Variants in SYNE1 observed in about 807,000 individuals in gnomAD.
SYNE1 encodes the protein nesprin-1.
Under a neutral mutation model 1,111.0 loss-of-function variants are expected in SYNE1, and 616 were observed. The ratio of observed to expected loss-of-function variants is 0.55; its 90% CI spans 0.52 to 0.59. The LOEUF (loss-of-function observed/expected upper bound fraction) is 0.59, where lower values mean the gene tolerates loss of function less well. SYNE1 is among the 20% of genes least tolerant of loss of function. The pLI, the probability that SYNE1 is intolerant of heterozygous loss-of-function variation, is 0.00. For missense variants in SYNE1, 10,006 were observed against 10,417.0 expected (o/e 0.96, Z 1.72); for synonymous variants, 3,855 against 3,825.8 (o/e 1.01, Z -0.28).
chr6:152,484,575 G>A lies in SYNE1; in HGVS notation c.1185+260C>T, dbSNP rs376093779. Reference sequence around the variant, plus strand: ...TGTGAAGTGATCCAGATGGTCTCAGGACTTTAATCTATCATCTAGTTAATT... The same window carrying A: ...TGTGAAGTGATCCAGATGGTCTCAGAACTTTAATCTATCATCTAGTTAATT... On this transcript the variant is annotated intron_variant, in intron 13 of 145. Transcript: ENST00000367255. 1.6e-3 allele frequency among the ~76,000 whole-genome samples: 236 copies of A among 152,202 alleles called. 1 individual carries two copies. Among genetic ancestry groups the A allele is most frequent in the African/African-American group, 5.4e-3 (226 of 41,530 alleles).
intron 86 of SYNE1, among the ~76,000 whole-genome samples, chr6:152,317,831 T>C (rs1385989923): frequency 6.6e-6 from 1 of 152,196 alleles, no homozygotes; most frequent in Non-Finnish European, 1.5e-5. Context: ...TTTTACAAAA[T>C]ATTCACTCCA....
In SYNE1 at chr6:152,427,757, C is replaced by T. The variant is rs2098382846; in HGVS notation, c.5036G>A (p.Ser1679Asn). ...TWLERGEAKA[S>N]SPEMDISADR... ...TGCAGAAATGTCCATTTCTGGGGAA[C>T]TGGCTTTAGCTTCACCCCGCTCTAA... is the stretch of plus-strand genomic sequence containing the variant. The change falls in exon 38 of 146, where the codon AGT becomes AAT. Residue 1679 changes from serine to asparagine, a missense_variant. Physicochemically the swap from Ser to Asn is conservative, Grantham distance 46. Around this residue, in one of 7 missense-constraint regions of SYNE1, gnomAD observed 1,971 missense variants for 2,084.1 expected, o/e 0.95. Transcript: ENST00000367255. 3.7e-6 allele frequency: 6 copies of T among 1,614,004 alleles called. 1 individual carries two copies. In the South Asian group the frequency reaches 5.5e-5, roughly 15 times the overall value.
chr6:152,383,564 A>G (rs759758626), intron 55 of SYNE1, among the ~76,000 whole-genome samples: 1 of 150,016 alleles, frequency 6.7e-6, no homozygotes, highest in African/African-American at 2.5e-5. Context: ...ACACCCTCCT[A>G]CTCTTCCCCT....
chr6:152,413,903 A>G (rs919928418), intron 41 of SYNE1, among the ~76,000 whole-genome samples: 2 of 152,000 alleles, frequency 1.3e-5, no homozygotes, highest in African/African-American at 4.8e-5. Context: ...CTGGGCCATG[A>G]GGTTCAATCC....
At chr6:152,248,014 A>T (rs1235006355) in intron 105 of SYNE1, among the ~76,000 whole-genome samples, 1 of 151,962 alleles carries the variant, frequency 6.6e-6, no homozygotes, top group Non-Finnish European at 1.5e-5. Context: ...GAAACAGGAG[A>T]TATTCTAACA....
chr6:152,164,516 C>A (rs1349426164), intron 130 of SYNE1, among the ~76,000 whole-genome samples, 191 bp from the exon 131 acceptor site: 2 of 152,162 alleles, frequency 1.3e-5, no homozygotes, highest in African/African-American at 4.8e-5. Context: ...AGCAAGGATG[C>A]AGAGGAGGCA....
intron 87 of SYNE1, chr6:152,311,288 G>A (rs1257780675): frequency 1.5e-5 from 3 of 202,146 alleles, no homozygotes; most frequent in South Asian, 9.2e-5. Context: ...TATTCTATAC[G>A]ACTGAAGTTC....
intron 46 of SYNE1, among the ~76,000 whole-genome samples, 187 bp from the exon 47 acceptor site, chr6:152,401,528 G>T (rs376411941): frequency 2.0e-5 from 3 of 152,334 alleles, no homozygotes; most frequent in East Asian, 3.9e-4. Flanking sequence ...CACATGAAGT[G>T]ATGGGCAAAT....
At chr6:152,179,428 G>T (rs2153168761) in intron 129 of SYNE1, 1 of 149,580 alleles carries the variant, frequency 6.7e-6, no homozygotes, top group African/African-American at 2.5e-5. Context: ...TTTATCTTAA[G>T]AATGTTTTCT....
chr6:152,317,743 A>AGG (rs1375991588), intron 86 of SYNE1, among the ~76,000 whole-genome samples: 1 of 152,238 alleles, frequency 6.6e-6, no homozygotes, highest in African/African-American at 2.4e-5. Context: ...GCTTACTTAA[A>AGG]GGTACTTGAA....
intron 87 of SYNE1, among the ~76,000 whole-genome samples, chr6:152,311,671 G>A (rs931971992): frequency 6.6e-6 from 1 of 152,226 alleles, no homozygotes; most frequent in Non-Finnish European, 1.5e-5. Flanking sequence ...AACAGCATAT[G>A]CATAGGTACA....
At chr6:152,180,357 G>A (rs2067648583) in intron 128 of SYNE1, 63 bp from the exon 129 acceptor site, 1 of 1,498,892 alleles carries the variant, frequency 6.7e-7, no homozygotes, top group African/African-American at 1.4e-5. Flanking sequence ...ACACTCCAAG[G>A]AAAATAGCAA....
chr6:152,308,439 C>T, intron 91 of SYNE1, 50 bp downstream of exon 91: 1 of 1,613,138 alleles, frequency 6.2e-7, no homozygotes, highest in Non-Finnish European at 8.5e-7. Context: ...AACATATACT[C>T]TAATCAAGCC....
chr6:152,587,039 A>G (rs1409829817), intron 3 of SYNE1, among the ~76,000 whole-genome samples: 9 of 152,142 alleles, frequency 5.9e-5, no homozygotes, highest in Admixed American at 5.2e-4. Context: ...GTAAAGGGTT[A>G]TTTTGGGACC....
chr6:152,481,636 T>C (rs1217074851), intron 14 of SYNE1: 1 of 427,994 alleles, frequency 2.3e-6, no homozygotes, highest in Admixed American at 2.8e-5. Context: ...TTATTGTGTG[T>C]TATATATGCT....
intron 115 of SYNE1, among the ~76,000 whole-genome samples, 183 bp downstream of exon 115, chr6:152,230,363 GA>G (rs1562346951): frequency 6.6e-6 from 1 of 151,476 alleles, no homozygotes; most frequent in Non-Finnish European, 1.5e-5. Flanking sequence ...AAAAACGAGT[GA>G]AAAAAACCTA....
intron 134 of SYNE1, 40 bp from the exon 135 acceptor site, chr6:152,151,730 A>G: frequency 6.2e-7 from 1 of 1,600,752 alleles, no homozygotes; most frequent in Non-Finnish European, 8.5e-7. Context: ...TATTTTTATT[A>G]AAAGTCCTTC....
intron 2 of SYNE1, among the ~76,000 whole-genome samples, chr6:152,631,030 A>C (rs1445949609): frequency 6.6e-6 from 1 of 152,228 alleles, no homozygotes; most frequent in African/African-American, 2.4e-5. Context: ...ACTAAGGTGG[A>C]TATGACACAG....
intron 6 of SYNE1, among the ~76,000 whole-genome samples, chr6:152,512,690 G>T (rs114151435): frequency 1.3e-5 from 2 of 152,080 alleles, no homozygotes; most frequent in African/African-American, 4.8e-5. Context: ...GAAGCTAAAG[G>T]ATCTTTTGCC....
Sources: gnomAD v4.1 joint callset for allele counts (sites outside exome capture counted in the v4.1 genomes callset) on GRCh38, gnomAD v4.1.1 for gene constraint, gnomAD v4.1.1 regional missense constraint, MANE v1.5 for transcripts, NCBI Gene and HGNC (gene_info 2026-07-23, HGNC 2026-07-21) for gene names.